ANGPT1: variants seen among roughly 807,000 people sequenced by gnomAD.
ANGPT1 encodes angiopoietin 1.
Under a neutral mutation model 62.2 loss-of-function variants are expected in ANGPT1, and 17 were observed. The ratio of observed to expected loss-of-function variants is 0.27; its 90% CI spans 0.19 to 0.41. ANGPT1 has a LOEUF of 0.41. ANGPT1 is among the 10% of genes least tolerant of loss of function. The pLI, the probability that ANGPT1 is intolerant of heterozygous loss-of-function variation, is 1.00. For synonymous variants in ANGPT1, 199 were observed against 198.9 expected, an observed-to-expected ratio of 1.00 and a Z score of 0.00; for missense variants, 478 against 594.9, an observed-to-expected ratio of 0.80 and a Z score of 2.04.
At chr8:107,396,517 C>CTTTTTTTTTTTT (rs10686360) in intron 1 of ANGPT1, among the ~76,000 whole-genome samples, 4 of 84,830 alleles carry the variant, frequency 4.7e-5, no homozygotes, top group African/African-American at 4.6e-5. Flanking sequence ...TCTTTTCTCT[C>CTTTTTTTTTTTT]TTTTTTTTTT....
chr8:107,475,629 A>G (rs1007671616), intron 1 of ANGPT1, among the ~76,000 whole-genome samples: 2 of 152,242 alleles, frequency 1.3e-5, no homozygotes, highest in Admixed American at 6.5e-5. Context: ...AAAAGAAACT[A>G]CCATCAGAGT....
At chr8:107,339,645 C>T (rs1815652151) in intron 2 of ANGPT1, among the ~76,000 whole-genome samples, 1 of 152,022 alleles carries the variant, frequency 6.6e-6, no homozygotes, top group African/African-American at 2.4e-5. Flanking sequence ...GTCTTTCTGC[C>T]CCTCCTAGAA....
At chr8:107,392,871 G>T (rs1056025437) in intron 1 of ANGPT1, among the ~76,000 whole-genome samples, 8 of 152,174 alleles carry the variant, frequency 5.3e-5, no homozygotes, top group African/African-American at 1.9e-4. Flanking sequence ...GAATTGAAAC[G>T]CCACCTTTGC....
chr8:107,336,019 A>G, intron 3 of ANGPT1, 131 bp downstream of exon 3: 2 of 797,044 alleles, frequency 2.5e-6, no homozygotes, highest in Non-Finnish European at 3.5e-6. Flanking sequence ...TTATTTTTAT[A>G]TTAATATTAA....
At chr8:107,386,143 A>C (rs1052898000) in intron 1 of ANGPT1, among the ~76,000 whole-genome samples, 2 of 152,112 alleles carry the variant, frequency 1.3e-5, no homozygotes, top group African/African-American at 4.8e-5. Flanking sequence ...TGATGCAGGA[A>C]CAGAAAAGCA....
At chr8:107,485,220 C>T (rs1479089679) in intron 1 of ANGPT1, among the ~76,000 whole-genome samples, 1 of 152,188 alleles carries the variant, frequency 6.6e-6, no homozygotes, top group African/African-American at 2.4e-5. Context: ...CCACACATTG[C>T]TTGTGCTCAG....
chr8:107,343,960 G>A (rs1164274442), intron 2 of ANGPT1, among the ~76,000 whole-genome samples: 3 of 152,106 alleles, frequency 2.0e-5, no homozygotes, highest in African/African-American at 7.2e-5. Flanking sequence ...TGCTCATGAG[G>A]CTGGAGTGGG....
At chr8:107,412,863 G>A (rs1810624607) in intron 1 of ANGPT1, among the ~76,000 whole-genome samples, 1 of 152,132 alleles carries the variant, frequency 6.6e-6, no homozygotes, top group Non-Finnish European at 1.5e-5. Flanking sequence ...AATGTGGATG[G>A]CTCATAGTAG....
intron 1 of ANGPT1, among the ~76,000 whole-genome samples, chr8:107,486,149 A>G (rs1812808762): frequency 6.6e-6 from 1 of 152,204 alleles, no homozygotes; most frequent in Non-Finnish European, 1.5e-5. Context: ...TTTAGTATGA[A>G]AGAATTAAGG....
At position 107,356,308 on chromosome 8, in the gene ANGPT1, T is replaced by C. The variant is rs183961581; in HGVS notation, c.298-9211A>G. On this transcript the variant is annotated intron_variant, in intron 1 of 8. Coordinates refer to ENST00000517746, the MANE Select transcript of ANGPT1 (RefSeq NM_001146.5). ...TGAAAACTAACCATGTCTTAATCAT[T>C]GCTTCATACATAAAAGCAAAAGAAG... Among the ~76,000 whole-genome samples the C allele has an allele frequency of 3.3e-5, 5 of 152,332 alleles. No individual in the cohort carries two copies. In the East Asian group the frequency reaches 9.7e-4, roughly 29 times the overall value.
At chr8:107,431,057 C>A (rs1186067808) in intron 1 of ANGPT1, among the ~76,000 whole-genome samples, 4 of 152,170 alleles carry the variant, frequency 2.6e-5, no homozygotes, top group Non-Finnish European at 5.9e-5. Flanking sequence ...CATTTAACCT[C>A]TCAAAACCTC....
At chr8:107,313,734 C>G (rs981346953) in intron 4 of ANGPT1, among the ~76,000 whole-genome samples, 1 of 151,922 alleles carries the variant, frequency 6.6e-6, no homozygotes, top group Middle Eastern at 3.2e-3. Flanking sequence ...TGAGCCACCA[C>G]GACTGGCCAA....
intron 3 of ANGPT1, among the ~76,000 whole-genome samples, chr8:107,330,732 A>G (rs946019761): frequency 6.6e-6 from 1 of 152,150 alleles, no homozygotes; most frequent in Non-Finnish European, 1.5e-5. Context: ...GACGGATTAG[A>G]AAAATATTTA....
At position 107,303,277 on chromosome 8, in the gene ANGPT1, T is replaced by C; in HGVS notation, c.899A>G (p.Tyr300Cys). The change falls in exon 5 of 9, where the codon TAC (tyrosine) becomes TGC (cysteine). Residue 300 changes from tyrosine to cysteine, a missense_variant. Tyr to Cys is a radical substitution (Grantham distance 194). Coordinates refer to ENST00000517746, the MANE Select transcript of ANGPT1 (RefSeq NM_001146.5). ...YQAGFNKSGI[Y>C]TIYINNMPEP... The stretch of plus-strand genomic sequence containing the variant: ...TGGCATATTATTAATATAAATAGTG[T>C]AGATTCCACTTTTATTAAAACCAGC... 6.2e-7 allele frequency: 1 copy of C among 1,607,602 alleles called. No homozygotes were observed. Among genetic ancestry groups the C allele is most frequent in the Non-Finnish European group, 8.5e-7 (1 of 1,175,388 alleles).
chr8:107,477,952 A>G (rs892752964), intron 1 of ANGPT1, among the ~76,000 whole-genome samples: 1 of 152,050 alleles, frequency 6.6e-6, no homozygotes, highest in Non-Finnish European at 1.5e-5. Context: ...TGAATAAATG[A>G]CCATGACATG....
intron 4 of ANGPT1, among the ~76,000 whole-genome samples, chr8:107,307,433 T>C (rs1337139231): frequency 6.6e-6 from 1 of 152,134 alleles, no homozygotes; most frequent in African/African-American, 2.4e-5. Flanking sequence ...CAAATCTTTC[T>C]ACTGTTTTAA....
chr8:107,347,023 C>T lies in ANGPT1; in HGVS notation c.372G>A (p.Thr124=), dbSNP rs760115920. Residue 124 remains threonine, a synonymous_variant, in exon 2 of 9, where the codon ACG becomes ACA. Coordinates refer to ENST00000517746, the MANE Select transcript of ANGPT1 (RefSeq NM_001146.5). The part of the protein sequence containing the change: ...QIQQNAVQNH[T]ATMLEIGTSL... ...TGGTTCCTATCTCCAGCATGGTAGC[C>T]GTGTGGTTCTGAACTGCATTCTGCT... The T allele has an allele frequency of 3.1e-6, 5 of 1,613,784 alleles. No individual in the cohort carries two copies. Among genetic ancestry groups the T allele is most frequent in the Non-Finnish European group, 3.4e-6 (4 of 1,179,892 alleles).
intron 3 of ANGPT1, among the ~76,000 whole-genome samples, chr8:107,324,454 G>C (rs1815238167): frequency 6.6e-6 from 1 of 152,098 alleles, no homozygotes; most frequent in South Asian, 2.1e-4. Flanking sequence ...CTCAAGCCAA[G>C]GAACTACTGG....
intron 3 of ANGPT1, among the ~76,000 whole-genome samples, chr8:107,324,215 ATG>A (rs71308721): frequency 6.2e-5 from 9 of 144,698 alleles, no homozygotes; most frequent in Admixed American, 2.1e-4. Context: ...GTATATATAT[ATG>A]TGTGTGTGTG....
Sources: gnomAD v4.1 joint callset for allele counts (sites outside exome capture counted in the v4.1 genomes callset) on GRCh38, gnomAD v4.1.1 for gene constraint, MANE v1.5 for transcripts, NCBI Gene and HGNC (gene_info 2026-07-23, HGNC 2026-07-21) for gene names.